RTL10: variants seen among roughly 807,000 people sequenced by gnomAD.
The protein encoded by RTL10 is retrotransposon Gag like 10.
For synonymous variants in RTL10, 199 were observed against 188.4 expected, an observed-to-expected ratio of 1.06 and a Z score of -0.46; for missense variants, 477 against 470.7, an observed-to-expected ratio of 1.01 and a Z score of -0.12.
Position 19,848,748 on chromosome 22 carries a change from C to T in RTL10, c.*2419G>A, listed in dbSNP as rs2145903688. 1 of 985,566 alleles carries T rather than the reference C, an allele frequency of 1.0e-6. No homozygotes were observed. 61.1% of individuals were successfully genotyped at this position (985,566 alleles called of 1,614,324 possible). Reference sequence around the variant, plus strand: ...ATAACTCACACACCCCCAGGAGCTGCCTGGGTCCCAAGGGCACAAAAGCCC... The same window carrying T: ...ATAACTCACACACCCCCAGGAGCTGTCTGGGTCCCAAGGGCACAAAAGCCC... On this transcript the variant is annotated 3_prime_UTR_variant, in exon 3 of 3. Coordinates refer to ENST00000328554, the MANE Select transcript of RTL10 (RefSeq NM_024627.6).
chr22:19,852,333 G>A lies in RTL10; in HGVS notation c.-72C>T. The A allele has an allele frequency of 1.3e-6, 2 of 1,493,488 alleles. No homozygotes were observed. The highest frequency in any genetic ancestry group is 1.8e-6 in the Non-Finnish European group (2 of 1,098,522). 92.5% of individuals were successfully genotyped at this position (1,493,488 alleles called of 1,614,324 possible). A position where few individuals can be genotyped will look rare whatever the true frequency, so the allele number is the denominator to read the frequency against. The stretch of plus-strand genomic sequence containing the variant: ...GTGGGGGTGTGGACAGATGTGGCTT[G>A]CACGACACAACAGGACAGGGATGGC... On this transcript the variant is annotated 5_prime_UTR_variant, in exon 3 of 3. Coordinates refer to ENST00000328554, the MANE Select transcript of RTL10 (RefSeq NM_024627.6).
In RTL10 at chr22:19,847,624, G is replaced by A; in HGVS notation, c.*3543C>T. The A allele has an allele frequency of 1.0e-6, 1 of 985,124 alleles. No homozygotes were observed. Among genetic ancestry groups the A allele is most frequent in the Non-Finnish European group, 1.2e-6 (1 of 829,864 alleles). The allele number at this position is 985,124 out of a possible 1,614,324, so 61.0% of individuals were successfully genotyped here. A position where few individuals can be genotyped will look rare whatever the true frequency, so the allele number is the denominator to read the frequency against. ...CCCCCATGTAGTGGTACCGAACCAT[G>A]ACCACCCCTGGCAAGAGCCTTCATG... On this transcript the variant is annotated 3_prime_UTR_variant, in exon 3 of 3. Transcript: ENST00000328554.
At chr22:19,853,649 C>A (rs929236943) in intron 2 of RTL10, among the ~76,000 whole-genome samples, 1 of 152,128 alleles carries the variant, frequency 6.6e-6, no homozygotes, top group Non-Finnish European at 1.5e-5. Flanking sequence ...AGCACTAGAA[C>A]CTGCCAGGGC....
In RTL10 at chr22:19,852,369, G is replaced by A. The variant is rs534105878; in HGVS notation, c.-108C>T. On this transcript the variant is annotated 5_prime_UTR_variant, in exon 3 of 3. In the 5' UTR this introduces an upstream ATG that the reference lacks. Coordinates refer to ENST00000328554, the MANE Select transcript of RTL10 (RefSeq NM_024627.6). ...CAGGACAGGGATGGCTGAACAGGGC[G>A]TGGCAGACCCGCACTGGTCCAGGCA... 1.2e-4 allele frequency: 147 copies of A among 1,238,834 alleles called. 1 individual carries two copies. Among genetic ancestry groups the A allele is most frequent in the African/African-American group, 1.1e-3 (70 of 66,610 alleles). 76.7% of individuals were successfully genotyped at this position (1,238,834 alleles called of 1,614,324 possible).
chr22:19,850,398 G>C lies in RTL10; in HGVS notation c.*769C>G, dbSNP rs1195832509. On this transcript the variant is annotated 3_prime_UTR_variant, in exon 3 of 3. Transcript: ENST00000328554. The stretch of plus-strand genomic sequence containing the variant: ...TGAATCCGCAATGCATGCGAGTGCG[G>C]AGTGAGCAGGGGATGGCAGCACAGC... 1 of 989,800 alleles carries C rather than the reference G, an allele frequency of 1.0e-6. No homozygotes were observed. Among genetic ancestry groups the C allele is most frequent in the Non-Finnish European group, 1.2e-6 (1 of 833,108 alleles). The allele number at this position is 989,800 out of a possible 1,614,324, so 61.3% of individuals were successfully genotyped here.
chr22:19,852,138 G>A lies in RTL10; in HGVS notation c.124C>T (p.Leu42Phe), dbSNP rs1292212937. The A allele has an allele frequency of 3.1e-6, 5 of 1,614,180 alleles. No individual in the cohort carries two copies. Among genetic ancestry groups the A allele is most frequent in the Non-Finnish European group, 4.2e-6 (5 of 1,180,038 alleles). Reference sequence around the variant, plus strand: ...GGCCGCTCAATCCAGGGATCCACAAGGGGGGTGTATGCCACCCCAGGAGAC... The same window carrying A: ...GGCCGCTCAATCCAGGGATCCACAAAGGGGGTGTATGCCACCCCAGGAGAC... The part of the protein sequence containing the change: ...KASPGVAYTP[L>F]VDPWIERPCC... The change falls in exon 3 of 3, where the codon CTT (leucine) becomes TTT (phenylalanine). Residue 42 changes from leucine to phenylalanine, a missense_variant. Coordinates refer to ENST00000328554, the MANE Select transcript of RTL10 (RefSeq NM_024627.6).
At position 19,847,059 on chromosome 22, in the gene RTL10, A is replaced by G. The variant is rs531708951; in HGVS notation, c.*4108T>C. ...TAGGATGATCAGCTGCTGCCGTCCT[A>G]TGGAACTCAGGTGTGGCTCTGTGGC... On this transcript the variant is annotated 3_prime_UTR_variant, in exon 3 of 3. Transcript: ENST00000328554. 5.3e-4 allele frequency: 521 copies of G among 985,400 alleles called. No homozygotes were observed. Among genetic ancestry groups the G allele is most frequent in the Non-Finnish European group, 6.1e-4 (506 of 829,936 alleles). 61.0% of individuals were successfully genotyped at this position (985,400 alleles called of 1,614,324 possible). A position where few individuals can be genotyped will look rare whatever the true frequency, so the allele number is the denominator to read the frequency against.
rs1409127826 is a variant in RTL10 at position 19,851,673 on chromosome 22, G to T, written c.589C>A (p.Pro197Thr). The T allele has an allele frequency of 1.9e-6, 3 of 1,595,850 alleles. No homozygotes were observed. The African/African-American group carries it at 4.0e-5, about 21-fold the overall frequency. Reference protein sequence around the residue: ...EYHAVVTCPLPLASSQLPVAP... With the variant: ...EYHAVVTCPLTLASSQLPVAP... Reference sequence around the variant, plus strand: ...ACTGGCAGCTGGCTGGAGGCCAGGGGCAGGGGACAGGTAACCACAGCATGG... The same window carrying T: ...ACTGGCAGCTGGCTGGAGGCCAGGGTCAGGGGACAGGTAACCACAGCATGG... The change falls in exon 3 of 3, where the codon CCC (proline) becomes ACC (threonine). Residue 197 changes from proline (P) to threonine (T), a missense_variant. Pro to Thr is a conservative substitution (Grantham distance 38). Coordinates refer to ENST00000328554, the MANE Select transcript of RTL10 (RefSeq NM_024627.6).
At position 19,846,878 on chromosome 22, in the gene RTL10, T is replaced by A; in HGVS notation, c.*4289A>T. ...GGAAATGTCTGTTGTTTAAGTCCCC[T>A]AGCCTGCGGTCCTTTGTCAGGCAGC... is the stretch of plus-strand genomic sequence containing the variant. On this transcript the variant is annotated 3_prime_UTR_variant, in exon 3 of 3. Transcript: ENST00000328554. 13 of 956,736 alleles carry A rather than the reference T, an allele frequency of 1.4e-5. No individual in the cohort carries two copies. The highest frequency in any genetic ancestry group is 1.5e-5 in the Non-Finnish European group (12 of 803,640). The allele number at this position is 956,736 out of a possible 1,614,324, so 59.3% of individuals were successfully genotyped here.
In RTL10 at chr22:19,849,998, T is replaced by C. The variant is rs764776069; in HGVS notation, c.*1169A>G. ...CTCTGGGCCTGGGGCCTCACAGCTCTGGACTGCTGCCTGGTCCTCACTTCA... is the reference window on the plus strand; with the variant it reads ...CTCTGGGCCTGGGGCCTCACAGCTCCGGACTGCTGCCTGGTCCTCACTTCA... On this transcript the variant is annotated 3_prime_UTR_variant, in exon 3 of 3. Transcript: ENST00000328554. The C allele has an allele frequency of 1.1e-5, 11 of 985,542 alleles. No individual in the cohort carries two copies. The highest frequency in any genetic ancestry group is 1.3e-5 in the Non-Finnish European group (11 of 830,124). The allele number at this position is 985,542 out of a possible 1,614,324, so 61.0% of individuals were successfully genotyped here.
In RTL10 at chr22:19,849,167, G is replaced by A; in HGVS notation, c.*2000C>T. 1.0e-6 allele frequency: 1 copy of A among 985,386 alleles called. No homozygotes were observed. 61.0% of individuals were successfully genotyped at this position (985,386 alleles called of 1,614,324 possible). ...ATGGGTTTCTTCTGCCAGCTCACTT[G>A]CTTTGCTACCAGGGCTATACCTGCT... is the stretch of plus-strand genomic sequence containing the variant. On this transcript the variant is annotated 3_prime_UTR_variant, in exon 3 of 3. Coordinates refer to ENST00000328554, the MANE Select transcript of RTL10 (RefSeq NM_024627.6).
Position 19,847,325 on chromosome 22 carries a change from T to C in RTL10, c.*3842A>G. ...GCACAATCTGGCTCATGCTGACTGA[T>C]CCTGCAGGGTAACAGCTTTATTTGC... On this transcript the variant is annotated 3_prime_UTR_variant, in exon 3 of 3. Coordinates refer to ENST00000328554, the MANE Select transcript of RTL10 (RefSeq NM_024627.6). 1.0e-6 allele frequency: 1 copy of C among 985,424 alleles called. No homozygotes were observed. The highest frequency in any genetic ancestry group is 1.2e-6 in the Non-Finnish European group (1 of 829,896). 61.0% of individuals were successfully genotyped at this position (985,424 alleles called of 1,614,324 possible).
Position 19,849,394 on chromosome 22 carries a change from G to A in RTL10, c.*1773C>T. The A allele has an allele frequency of 1.4e-6, 1 of 694,284 alleles. No homozygotes were observed. The highest frequency in any genetic ancestry group is 1.8e-6 in the Non-Finnish European group (1 of 567,018). 43.0% of individuals were successfully genotyped at this position (694,284 alleles called of 1,614,324 possible). A position where few individuals can be genotyped will look rare whatever the true frequency, so the allele number is the denominator to read the frequency against. On this transcript the variant is annotated 3_prime_UTR_variant, in exon 3 of 3. Transcript: ENST00000328554. ...GTTGTTTTTTTTTTTTTGGGATGGAGTTTCACTCTTGTTGTCCAGGCTGGA... is the reference window on the plus strand; with the variant it reads ...GTTGTTTTTTTTTTTTTGGGATGGAATTTCACTCTTGTTGTCCAGGCTGGA...
In RTL10 at chr22:19,846,480, G is replaced by A; in HGVS notation, c.*4687C>T. 1 of 985,142 alleles carries A rather than the reference G, an allele frequency of 1.0e-6. No individual in the cohort carries two copies. The highest frequency in any genetic ancestry group is 1.2e-6 in the Non-Finnish European group (1 of 829,662). 61.0% of individuals were successfully genotyped at this position (985,142 alleles called of 1,614,324 possible). A position where few individuals can be genotyped will look rare whatever the true frequency, so the allele number is the denominator to read the frequency against. On this transcript the variant is annotated 3_prime_UTR_variant, in exon 3 of 3. Transcript: ENST00000328554. ...CAGAACCCAGGGCCTGGGGGACTCTGCACACAGGCATGTGGAGACCACAGA... is the reference window on the plus strand; with the variant it reads ...CAGAACCCAGGGCCTGGGGGACTCTACACACAGGCATGTGGAGACCACAGA...
rs1398738298 is a variant in RTL10 at position 19,850,473 on chromosome 22, A to G, written c.*694T>C. The G allele has an allele frequency of 9.9e-7, 1 of 1,013,802 alleles. No homozygotes were observed. Among genetic ancestry groups the G allele is most frequent in the Non-Finnish European group, 1.2e-6 (1 of 849,288 alleles). 62.8% of individuals were successfully genotyped at this position (1,013,802 alleles called of 1,614,324 possible). ...GAACACCAGGCACGATTAGAGCTAC[A>G]GTGTTAACACACAAAGGGCGAATGC... On this transcript the variant is annotated 3_prime_UTR_variant, in exon 3 of 3. Transcript: ENST00000328554.
In RTL10 at chr22:19,851,331, C is replaced by G. The variant is rs1277576235; in HGVS notation, c.931G>C (p.Ala311Pro). The G allele has an allele frequency of 1.9e-6, 3 of 1,614,130 alleles. No individual in the cohort carries two copies. The Admixed American group carries it at 5.0e-5, about 27-fold the overall frequency. The change falls in exon 3 of 3, where the codon GCC becomes CCC. Residue 311 changes from alanine (A) to proline (P), a missense_variant. Coordinates refer to ENST00000328554, the MANE Select transcript of RTL10 (RefSeq NM_024627.6). The stretch of plus-strand genomic sequence containing the variant: ...GGATGAGCTGGGTCTGGTCTCTGGG[C>G]AGGAGGATTAGCTGACTCCGACAGT... ...PRLSESANPP[A>P]QRPDPAHPGG...
At position 19,851,367 on chromosome 22, in the gene RTL10, G is replaced by T. The variant is rs1938092508; in HGVS notation, c.895C>A (p.Pro299Thr). 1 of 1,614,046 alleles carries T rather than the reference G, an allele frequency of 6.2e-7. No homozygotes were observed. The highest frequency in any genetic ancestry group is 1.1e-5 in the South Asian group (1 of 91,092). The change falls in exon 3 of 3, where the codon CCT becomes ACT. Residue 299 changes from proline (P) to threonine (T), a missense_variant. Physicochemically the swap from Pro to Thr is conservative, Grantham distance 38 (BLOSUM62 -1). Transcript: ENST00000328554. ...SSQPEEAAPTPVPRLSESANP... is the reference protein window; with the variant it reads ...SSQPEEAAPTTVPRLSESANP... ...GCTGACTCCGACAGTCTAGGGACAG[G>T]TGTGGGGGCTGCCTCCTCTGGCTGG...
Position 19,848,399 on chromosome 22 carries a change from T to A in RTL10, c.*2768A>T. ...AGAAAAACAACCCAGGGGGAATGCC[T>A]CCTTCCCCCAGCAGGAAAGCAGCTT... On this transcript the variant is annotated 3_prime_UTR_variant, in exon 3 of 3. Coordinates refer to ENST00000328554, the MANE Select transcript of RTL10 (RefSeq NM_024627.6). 2.0e-6 allele frequency: 2 copies of A among 985,382 alleles called. No individual in the cohort carries two copies. The highest frequency in any genetic ancestry group is 2.4e-6 in the Non-Finnish European group (2 of 829,940). 61.0% of individuals were successfully genotyped at this position (985,382 alleles called of 1,614,324 possible).
intron 2 of RTL10, 28 bp downstream of exon 2, chr22:19,854,415 G>C (rs1457522734): frequency 6.5e-6 from 1 of 152,674 alleles, no homozygotes; most frequent in Non-Finnish European, 1.5e-5. Context: ...GAGCTCACAA[G>C]GCCCACGGCA....
Sources: gnomAD v4.1 joint callset for allele counts (sites outside exome capture counted in the v4.1 genomes callset) on GRCh38, gnomAD v4.1.1 for gene constraint, MANE v1.5 for transcripts, NCBI Gene and HGNC (gene_info 2026-07-23, HGNC 2026-07-21) for gene names.